PPP1R9A: variants seen among roughly 807,000 people sequenced by gnomAD.
PPP1R9A encodes protein phosphatase 1 regulatory subunit 9A, also known as neurabin-1.
In PPP1R9A, 59 loss-of-function variants were observed where a neutral mutation model predicts 141.9. The ratio of observed to expected loss-of-function variants is 0.42; its 90% CI spans 0.34 to 0.52. The LOEUF is 0.52. Among genes scored for constraint, PPP1R9A ranks in the 20% least tolerant of loss-of-function variants. PPP1R9A has a pLI of 0.10. For missense variants in PPP1R9A, 1,444 were observed against 1,611.9 expected, an observed-to-expected ratio of 0.90 and a Z score of 1.78; for synonymous variants, 500 against 569.7, an observed-to-expected ratio of 0.88 and a Z score of 1.74.
chr7:95,142,993 T>C lies in PPP1R9A; in HGVS notation c.1650-18874T>C, dbSNP rs546030200. On this transcript the variant is annotated intron_variant, in intron 4 of 19. Coordinates refer to ENST00000433360, the MANE Select transcript of PPP1R9A (RefSeq NM_001166160.2). ...CTAACTGGACTGTGTGAAATGAATT[T>C]GGGAACAGAGGAGTCTCCTGTAAGT... 2.4e-3 allele frequency among the ~76,000 whole-genome samples: 370 copies of C among 152,280 alleles called. 2 individuals carry two copies. The highest frequency in any genetic ancestry group is 8.5e-3 in the African/African-American group (353 of 41,568).
chr7:94,942,025 G>A (rs1257135963), intron 2 of PPP1R9A, among the ~76,000 whole-genome samples: 1 of 151,828 alleles, frequency 6.6e-6, no homozygotes, highest in Non-Finnish European at 1.5e-5. Context: ...TGAAGGGCCC[G>A]GTTTTGTGTC....
chr7:95,108,307 C>CTTTTTTTTTTTTTTTTTTTTTTTTTTTT (rs1166103728), intron 2 of PPP1R9A, among the ~76,000 whole-genome samples: 1 of 59,596 alleles, frequency 1.7e-5, no homozygotes. Flanking sequence ...CGTTTCTTTT[C>CTTTTTTTTTTTTTTTTTTTTTTTTTTTT]TTTTTTTTTT....
At chr7:95,208,530 C>T (rs1164118078) in intron 7 of PPP1R9A, among the ~76,000 whole-genome samples, 2 of 152,016 alleles carry the variant, frequency 1.3e-5, no homozygotes, top group East Asian at 3.9e-4. Flanking sequence ...TGAGACCATC[C>T]TGGCTAACAC....
At position 95,294,787 on chromosome 7, in the gene PPP1R9A, A is replaced by C. The variant is rs866637918; in HGVS notation, c.*4484A>C. On this transcript the variant is annotated 3_prime_UTR_variant, in exon 20 of 20. Coordinates refer to ENST00000433360, the MANE Select transcript of PPP1R9A (RefSeq NM_001166160.2). ...CTTCTCCTGGAAAGTGAAAGCATCA[A>C]GTTCTATTTATGGTAGACAGAGGGT... 1 of 152,190 alleles carries C rather than the reference A, an allele frequency of 6.6e-6. No individual in the cohort carries two copies. The highest frequency in any genetic ancestry group is 6.5e-5 in the Admixed American group (1 of 15,270). The allele number at this position is 152,190 out of a possible 1,614,324, so 9.4% of individuals were successfully genotyped here. A position where few individuals can be genotyped will look rare whatever the true frequency, so the allele number is the denominator to read the frequency against.
chr7:95,089,869 A>G lies in PPP1R9A; in HGVS notation c.1396-21390A>G, dbSNP rs554930926. Among the ~76,000 whole-genome samples, 4 of 152,062 alleles carry G rather than the reference A, an allele frequency of 2.6e-5. No homozygotes were observed. The South Asian group carries it at 8.3e-4, about 32-fold the overall frequency. On this transcript the variant is annotated intron_variant, in intron 2 of 19. Transcript: ENST00000433360. ...GTTGTCATATGACAGATTATTCCAC[A>G]CAAACACACATACTAAAAAAGCCAT...
intron 2 of PPP1R9A, among the ~76,000 whole-genome samples, chr7:95,082,852 T>A (rs1488710548): frequency 2.7e-5 from 4 of 147,598 alleles, no homozygotes; most frequent in Admixed American, 6.9e-5. Flanking sequence ...ACCTCCTGGG[T>A]TCACGCCATT....
rs1236219216 is a variant in PPP1R9A, at chr7:95,153,367, CAT to C, written c.1650-8499_1650-8498del. On this transcript the variant is annotated intron_variant, in intron 4 of 19. Coordinates refer to ENST00000433360, the MANE Select transcript of PPP1R9A (RefSeq NM_001166160.2). ...AAAAAATGTAATTATTGATATAAAA[CAT>C]TGTTAGAATCATGATTCAGTTCAGT... Among the ~76,000 whole-genome samples, 5 of 152,208 alleles carry C rather than the reference CAT, an allele frequency of 3.3e-5. No homozygotes were observed. In the South Asian group the frequency reaches 8.3e-4, roughly 25 times the overall value.
intron 2 of PPP1R9A, among the ~76,000 whole-genome samples, chr7:94,995,000 A>G (rs1460306819): frequency 1.3e-5 from 2 of 152,106 alleles, no homozygotes; most frequent in Non-Finnish European, 2.9e-5. Context: ...TATCCTTTCA[A>G]CATACTGTTT....
At chr7:94,989,370 A>G (rs557256299) in intron 2 of PPP1R9A, among the ~76,000 whole-genome samples, 19 of 152,242 alleles carry the variant, frequency 1.2e-4, no homozygotes, top group African/African-American at 3.8e-4. Context: ...ATATTGAACT[A>G]AATTTCCAAG....
intron 5 of PPP1R9A, among the ~76,000 whole-genome samples, chr7:95,195,608 C>T (rs1836149016): frequency 6.6e-6 from 1 of 151,876 alleles, no homozygotes; most frequent in East Asian, 1.9e-4. Context: ...ATAAATTAGA[C>T]TTCCTTGAGA....
At chr7:95,081,082 A>G in intron 2 of PPP1R9A, among the ~76,000 whole-genome samples, 1 of 152,240 alleles carries the variant, frequency 6.6e-6, no homozygotes, top group East Asian at 1.9e-4. Context: ...ATGTAGCTTC[A>G]TCTATTCCTA....
rs750621157 is a variant in PPP1R9A at position 94,911,009 on chromosome 7, A to C, written c.896A>C (p.Gln299Pro). The change falls in exon 2 of 20, where the codon CAG becomes CCG. Residue 299 changes from glutamine to proline, a missense_variant. By Grantham distance (76) the Gln-to-Pro change is moderately conservative. Transcript: ENST00000433360. Reference sequence around the variant, plus strand: ...TCGATACCTGGTGAAGAGATCCAGCAGAGCAAGGAACCCGAGGACTCCACA... The same window carrying C: ...TCGATACCTGGTGAAGAGATCCAGCCGAGCAAGGAACCCGAGGACTCCACA... ...LASIPGEEIQ[Q>P]SKEPEDSTSN... is the part of the protein sequence containing the mutation. 6.2e-7 allele frequency: 1 copy of C among 1,614,072 alleles called. No homozygotes were observed. Among genetic ancestry groups the C allele is most frequent in the East Asian group, 2.2e-5 (1 of 44,900 alleles).
At position 95,250,165 on chromosome 7, in the gene PPP1R9A, A is replaced by G; in HGVS notation, c.2306A>G (p.Asn769Ser). ...IEAQTLCHTV[N>S]EHLKETQSQY... is the part of the protein sequence containing the mutation. Reference sequence around the variant, plus strand: ...GCCCAAACATTATGCCACACAGTGAATGAGCATCTCAAAGAGACTCAAAGC... The same window carrying G: ...GCCCAAACATTATGCCACACAGTGAGTGAGCATCTCAAAGAGACTCAAAGC... Residue 769 changes from asparagine (N) to serine (S), a missense_variant, in exon 10 of 20, where the codon AAT becomes AGT. Asn to Ser is a conservative substitution (Grantham distance 46, BLOSUM62 1). Coordinates refer to ENST00000433360, the MANE Select transcript of PPP1R9A (RefSeq NM_001166160.2). 1 of 1,613,994 alleles carries G rather than the reference A, an allele frequency of 6.2e-7. No homozygotes were observed. Among genetic ancestry groups the G allele is most frequent in the Non-Finnish European group, 8.5e-7 (1 of 1,179,942 alleles).
intron 2 of PPP1R9A, among the ~76,000 whole-genome samples, chr7:95,055,714 T>C (rs1259536750): frequency 6.6e-6 from 1 of 152,118 alleles, no homozygotes; most frequent in African/African-American, 2.4e-5. Flanking sequence ...GTACACTCAT[T>C]TCTGTCTTTT....
chr7:95,068,196 G>A (rs773709691), intron 2 of PPP1R9A, among the ~76,000 whole-genome samples: 6 of 152,152 alleles, frequency 3.9e-5, no homozygotes, highest in East Asian at 3.9e-4. Flanking sequence ...TCGGCCAGGC[G>A]TGGTGGCTCA....
intron 5 of PPP1R9A, among the ~76,000 whole-genome samples, chr7:95,173,248 C>T (rs936994686): frequency 2.6e-5 from 4 of 151,668 alleles, no homozygotes; most frequent in African/African-American, 4.8e-5. Flanking sequence ...CAGAGGGAAA[C>T]GCTGTAGGTA....
chr7:95,202,755 G>T (rs1010188174), intron 6 of PPP1R9A: 2 of 188,712 alleles, frequency 1.1e-5, no homozygotes, highest in Non-Finnish European at 2.0e-5. Flanking sequence ...TATATATTTT[G>T]TGTAGTGTGT....
intron 2 of PPP1R9A, among the ~76,000 whole-genome samples, chr7:94,978,077 T>G (rs1040882729): frequency 3.9e-5 from 6 of 152,116 alleles, no homozygotes; most frequent in Non-Finnish European, 7.4e-5. Flanking sequence ...GGGCTTCTTG[T>G]GGTGACTGAT....
intron 16 of PPP1R9A, among the ~76,000 whole-genome samples, chr7:95,282,208 A>T (rs913497164): frequency 7.2e-6 from 1 of 139,472 alleles, no homozygotes; most frequent in African/African-American, 2.8e-5. Context: ...GCACACGCCT[A>T]TAAGTCCTAG....
Sources: allele counts gnomAD v4.1 joint callset (sites outside exome capture counted in the v4.1 genomes callset), GRCh38; gene constraint gnomAD v4.1.1; transcripts MANE v1.5; gene names NCBI Gene and HGNC (gene_info 2026-07-23, HGNC 2026-07-21).